The following SIRT6 variants were observed in gnomAD, a reference collection of about 807,000 sequenced individuals.
The protein encoded by SIRT6 is NAD-dependent protein deacylase sirtuin-6.
SIRT6 carries 21 observed loss-of-function variants against 33.6 expected under a neutral mutation model. The observed-to-expected ratio is 0.62, with a 90% confidence interval of 0.44 to 0.90. SIRT6 has a LOEUF of 0.90. Ranked by LOEUF, SIRT6 falls within the 40% of genes least tolerant of loss-of-function variation. The pLI is 0.00. For missense variants in SIRT6, 504 were observed against 510.6 expected (o/e 0.99, Z 0.12); for synonymous variants, 221 against 223.9 (o/e 0.99, Z 0.12).
intron 1 of SIRT6, among the ~76,000 whole-genome samples, chr19:4,181,206 C>T (rs943462677): frequency 6.6e-6 from 1 of 152,172 alleles, no homozygotes; most frequent in Non-Finnish European, 1.5e-5. Context: ...CAGGTCTCCT[C>T]CTTGTTCCTC....
chr19:4,180,904 G>A lies in SIRT6; in HGVS notation c.72C>T (p.Phe24=), dbSNP rs34786277. Residue 24 remains phenylalanine, a synonymous_variant, in exon 2 of 8, where the codon TTC becomes TTT. Coordinates refer to ENST00000337491, the MANE Select transcript of SIRT6 (RefSeq NM_016539.4). ...DKGKCGLPEI[F]DPPEELERKV... ...TCCGCTCCAGCTCCTCCGGGGGGTCGAAGATCTGTGGGGGGAGAGAGCAGA... is the reference window on the plus strand; with the variant it reads ...TCCGCTCCAGCTCCTCCGGGGGGTCAAAGATCTGTGGGGGGAGAGAGCAGA... 2.7e-3 allele frequency: 4,371 copies of A among 1,610,750 alleles called. 6 individuals are homozygous for A. The highest frequency in any genetic ancestry group is 3.5e-3 in the Non-Finnish European group (4,076 of 1,178,588).
rs201984712 is a variant in SIRT6, at chr19:4,179,088, G to A, written c.377+16C>T. 17 of 1,610,016 alleles carry A rather than the reference G, an allele frequency of 1.1e-5. No individual in the cohort carries two copies. The highest frequency in any genetic ancestry group is 2.2e-5 in the South Asian group (2 of 90,500). ...GGGCCCCAAGCTCTTTTGTGGGGGC[G>A]GGGCCAGGGTGTTACCTGGGGAAGC... On this transcript the variant is annotated intron_variant, in intron 3 of 7. Transcript: ENST00000337491.
chr19:4,179,224 A>G lies in SIRT6; in HGVS notation c.257T>C (p.Phe86Ser), dbSNP rs199849196. 16 of 1,610,718 alleles carry G rather than the reference A, an allele frequency of 9.9e-6. No homozygotes were observed. The highest frequency in any genetic ancestry group is 1.3e-5 in the Non-Finnish European group (15 of 1,179,110). Residue 86 changes from phenylalanine (F) to serine (S), a missense_variant, in exon 3 of 8, where the codon TTT becomes TCT. Transcript: ENST00000337491. ...GGTCTGCGTGGGCCGCGCGCTCTCA[A>G]AGGTGGTGTCGAACTTGGGGGCCAG... is the stretch of plus-strand genomic sequence containing the variant. The part of the protein sequence containing the change: ...RGLAPKFDTT[F>S]ESARPTQTHM...
At chr19:4,178,954 A>T in intron 3 of SIRT6, 150 bp downstream of exon 3, 1 of 1,036,280 alleles carries the variant, frequency 9.6e-7, no homozygotes, top group Non-Finnish European at 1.4e-6. Flanking sequence ...GACAGCTCTG[A>T]GCCATGGGAC....
In SIRT6 at chr19:4,181,468, G is replaced by A. The variant is rs181369495; in HGVS notation, c.67-559C>T. On this transcript the variant is annotated intron_variant, in intron 1 of 7. Coordinates refer to ENST00000337491, the MANE Select transcript of SIRT6 (RefSeq NM_016539.4). ...CTAGAAAGTGCCTGAGCTACAGTAA[G>A]TGCTCTATAAATGTTGGTGGAATAA... Among the ~76,000 whole-genome samples the A allele has an allele frequency of 2.0e-5, 3 of 152,312 alleles. No homozygotes were observed. The East Asian group carries it at 5.8e-4, about 29-fold the overall frequency.
intron 6 of SIRT6, 51 bp from the exon 7 acceptor site, chr19:4,175,202 C>A (rs1210515221): frequency 6.4e-7 from 1 of 1,551,818 alleles, no homozygotes; most frequent in East Asian, 2.3e-5. Flanking sequence ...CTGCCAACAT[C>A]CCGAGCCAGC....
At chr19:4,180,758 G>A (rs371373393) in intron 2 of SIRT6, 24 bp downstream of exon 2, 115 of 1,586,960 alleles carry the variant, frequency 7.2e-5, no homozygotes, top group Non-Finnish European at 9.6e-5. Context: ...GCCTTGCCTC[G>A]ACTTCCCCTG....
rs1967206539 is a variant in SIRT6, at chr19:4,175,042, G to A, written c.724C>T (p.Gln242Ter). ...RGGRLVIVNL[Q>*]PTKHDRHADL... is the part of the protein sequence containing the mutation. ...CAGACACCTACGTGCTTGGTGGGCT[G>A]CAGGTTGACGATGACCAGGCGGCCT... is the stretch of plus-strand genomic sequence containing the variant. Residue 242 changes from glutamine to a stop codon, truncating the protein, a stop_gained, in exon 7 of 8, where the codon CAG (glutamine) becomes TAG (stop). Transcript: ENST00000337491. LOFTEE classifies it low-confidence loss of function (END_TRUNC). 6.3e-7 allele frequency: 1 copy of A among 1,592,280 alleles called. No individual in the cohort carries two copies. The highest frequency in any genetic ancestry group is 2.3e-5 in the East Asian group (1 of 43,776).
At position 4,174,421 on chromosome 19, in the gene SIRT6, G is replaced by A; in HGVS notation, c.*196C>T. The A allele has an allele frequency of 2.1e-6, 1 of 466,516 alleles. No individual in the cohort carries two copies. The highest frequency in any genetic ancestry group is 3.7e-6 in the Non-Finnish European group (1 of 271,492). The allele number at this position is 466,516 out of a possible 1,614,324, so 28.9% of individuals were successfully genotyped here. On this transcript the variant is annotated 3_prime_UTR_variant, in exon 8 of 8. Coordinates refer to ENST00000337491, the MANE Select transcript of SIRT6 (RefSeq NM_016539.4). This position sits in a 1 kb window ranked among gnomAD's most constrained non-coding sequence, Gnocchi z 4.2. The stretch of plus-strand genomic sequence containing the variant: ...GCTCACCTGTCACCTCTGGGGTGTG[G>A]CTTCTTCCCGGAACCGCACCAGAGG...
At chr19:4,181,647 C>T (rs534248673) in intron 1 of SIRT6, among the ~76,000 whole-genome samples, 3 of 152,156 alleles carry the variant, frequency 2.0e-5, no homozygotes, top group African/African-American at 7.2e-5. Context: ...ATTAGCCAGG[C>T]GTGGTGGCAG....
intron 6 of SIRT6, 179 bp from the exon 7 acceptor site, chr19:4,175,330 G>A (rs1967229121): frequency 2.4e-6 from 2 of 844,304 alleles, no homozygotes; most frequent in Admixed American, 2.9e-5. Context: ...CGTTGGCGGG[G>A]TCATTGATCT....
In SIRT6 at chr19:4,180,182, G is replaced by A. The variant is rs537021261; in HGVS notation, c.194+600C>T. On this transcript the variant is annotated intron_variant, in intron 2 of 7. Coordinates refer to ENST00000337491, the MANE Select transcript of SIRT6 (RefSeq NM_016539.4). ...TACAATGGCATGATCCTGGCTGACT[G>A]CAACCTCTGCCTCCCGGGTTCAAGC... is the stretch of plus-strand genomic sequence containing the variant. Among the ~76,000 whole-genome samples, 15 of 130,126 alleles carry A rather than the reference G, an allele frequency of 1.2e-4. 1 individual carries two copies. The highest frequency in any genetic ancestry group is 4.5e-4 in the African/African-American group (15 of 33,528). The allele number at this position is 130,126 out of a possible 152,430, so 85.4% of individuals were successfully genotyped here. A position where few individuals can be genotyped will look rare whatever the true frequency, so the allele number is the denominator to read the frequency against.
At position 4,180,823 on chromosome 19, in the gene SIRT6, C is replaced by T. The variant is rs1256312084; in HGVS notation, c.153G>A (p.Thr51=). Reference sequence around the variant, plus strand: ...CAGAGGCAGTGCTGATGCCGGCACCCGTGTGGAACACCACACTGGAAGACT... The same window carrying T: ...CAGAGGCAGTGCTGATGCCGGCACCTGTGTGGAACACCACACTGGAAGACT... ...VWQSSSVVFH[T]GAGISTASGI... The change falls in exon 2 of 8, where the codon ACG becomes ACA. Residue 51 remains threonine, a synonymous_variant. Transcript: ENST00000337491. The T allele has an allele frequency of 5.6e-6, 9 of 1,613,398 alleles. No individual in the cohort carries two copies. Among genetic ancestry groups the T allele is most frequent in the Admixed American group, 1.7e-5 (1 of 59,928 alleles).
Position 4,177,091 on chromosome 19 carries a change from G to A in SIRT6, c.425C>T (p.Ala142Val), listed in dbSNP as rs761159173. ...AGGTGGCACTCACGTCTTACACTTG[G>A]CACATTCTTCCACAAACATGTTCCC... The part of the protein sequence containing the change: ...LHGNMFVEEC[A>V]KCKTQYVRDT... Residue 142 changes from alanine (A) to valine (V), a missense_variant, in exon 4 of 8, where the codon GCC becomes GTC. Ala to Val is a moderately conservative substitution (Grantham distance 64, BLOSUM62 0). Coordinates refer to ENST00000337491, the MANE Select transcript of SIRT6 (RefSeq NM_016539.4). The A allele has an allele frequency of 1.9e-6, 3 of 1,613,858 alleles. No homozygotes were observed. The highest frequency in any genetic ancestry group is 4.5e-5 in the East Asian group (2 of 44,856).
At chr19:4,175,795 C>T (rs1283215682) in intron 5 of SIRT6, 35 bp from the exon 6 acceptor site, 1 of 1,553,422 alleles carries the variant, frequency 6.4e-7, no homozygotes, top group Admixed American at 2.0e-5. Context: ...TCCTCAGGGG[C>T]CTCGCAGCCT....
In SIRT6 at chr19:4,174,530, G is replaced by A. The variant is rs531239199; in HGVS notation, c.*87C>T. On this transcript the variant is annotated 3_prime_UTR_variant, in exon 8 of 8. Coordinates refer to ENST00000337491, the MANE Select transcript of SIRT6 (RefSeq NM_016539.4). This position sits in a 1 kb window ranked among gnomAD's most constrained non-coding sequence, Gnocchi z 4.2. ...GCTCTCAGAGCCCTGAGGCTCCCGG[G>A]GACAGAAACAAGTAACAAAGTGAGA... is the stretch of plus-strand genomic sequence containing the variant. 2.4e-6 allele frequency: 3 copies of A among 1,249,846 alleles called. No individual in the cohort carries two copies. The highest frequency in any genetic ancestry group is 3.4e-5 in the Admixed American group (1 of 29,228). The allele number at this position is 1,249,846 out of a possible 1,614,324, so 77.4% of individuals were successfully genotyped here.
chr19:4,174,809 C>A lies in SIRT6; in HGVS notation c.876G>T (p.Pro292=), dbSNP rs765817627. ...CCTTGGGCTCCAGCTTGGGGGTGGGCGGGCGGGGCAGGGGTGGCAGCGCCC... is the reference window on the plus strand; with the variant it reads ...CCTTGGGCTCCAGCTTGGGGGTGGGAGGGCGGGGCAGGGGTGGCAGCGCCC... ...LERALPPLPR[P]PTPKLEPKEE... is the part of the protein sequence containing the mutation. The change falls in exon 8 of 8, where the codon CCG becomes CCT. Residue 292 remains proline, a synonymous_variant. Coordinates refer to ENST00000337491, the MANE Select transcript of SIRT6 (RefSeq NM_016539.4). The surrounding 1 kb of genome is among the most constrained non-coding windows in gnomAD (Gnocchi z 4.2). The A allele has an allele frequency of 3.7e-4, 497 of 1,355,240 alleles. No individual in the cohort carries two copies. Among genetic ancestry groups the A allele is most frequent in the Non-Finnish European group, 4.6e-4 (488 of 1,061,146 alleles). 84.0% of individuals were successfully genotyped at this position (1,355,240 alleles called of 1,614,324 possible).
chr19:4,176,237 A>G (rs753273611), intron 4 of SIRT6, among the ~76,000 whole-genome samples: 4 of 152,258 alleles, frequency 2.6e-5, no homozygotes, highest in Non-Finnish European at 5.9e-5. Flanking sequence ...TGGGGGCGAC[A>G]GGCCGAGTCT....
chr19:4,180,494 C>A (rs1967562289), intron 2 of SIRT6: 3 of 235,908 alleles, frequency 1.3e-5, no homozygotes, highest in Non-Finnish European at 2.5e-5. Flanking sequence ...AATTCTCCTG[C>A]CTCAGCCTCC....
Sources: allele counts gnomAD v4.1 joint callset (sites outside exome capture counted in the v4.1 genomes callset), GRCh38; gene constraint gnomAD v4.1.1; non-coding constraint Gnocchi (gnomAD v3.1); transcripts MANE v1.5; gene names NCBI Gene and HGNC (gene_info 2026-07-23, HGNC 2026-07-21).